The following IDO2 variants were observed in gnomAD, a reference collection of about 807,000 sequenced individuals.
IDO2 encodes indoleamine 2,3-dioxygenase-like 1 protein.
In IDO2, 46 loss-of-function variants were observed where a neutral mutation model predicts 45.1. That is an observed-to-expected ratio of 1.02 (90% confidence interval 0.80 to 1.30). The LOEUF is 1.30. Ranked by LOEUF, IDO2 falls within the 50% of genes most tolerant of loss-of-function variation. IDO2 has a pLI of 0.00. For synonymous variants in IDO2, 218 were observed against 184.9 expected (o/e 1.18, Z -1.45); for missense variants, 544 against 491.8 (o/e 1.11, Z -1.00).
chr8:39,991,665 G>A (rs1801932224), intron 8 of IDO2, among the ~76,000 whole-genome samples: 1 of 151,368 alleles, frequency 6.6e-6, no homozygotes, highest in Admixed American at 6.6e-5. Context: ...CTGCCTCCCG[G>A]GTTCAAGCGA....
At chr8:39,970,636 C>T (rs1808163220) in intron 3 of IDO2, among the ~76,000 whole-genome samples, 1 of 152,138 alleles carries the variant, frequency 6.6e-6, no homozygotes, top group African/African-American at 2.4e-5. Context: ...AGGTGATCCA[C>T]CCGCCTTGGC....
At chr8:39,984,510 A>C (rs2129594573) in intron 5 of IDO2, among the ~76,000 whole-genome samples, 1 of 152,274 alleles carries the variant, frequency 6.6e-6, no homozygotes, top group African/African-American at 2.4e-5. Flanking sequence ...AATAACAAAA[A>C]AGCTATTAAT....
intron 8 of IDO2, chr8:39,998,624 C>CT (rs1430211331): frequency 1.5e-5 from 2 of 132,004 alleles, no homozygotes; most frequent in Non-Finnish European, 3.2e-5. Context: ...CATGTTAATG[C>CT]TTTTTTTCTT....
intron 4 of IDO2, among the ~76,000 whole-genome samples, chr8:39,981,442 G>A (rs1808350687): frequency 1.3e-5 from 2 of 152,068 alleles, no homozygotes; most frequent in South Asian, 4.1e-4. Context: ...CATCCCCTCT[G>A]CAAACCATTA....
At chr8:39,946,812 C>G (rs1389957724) in intron 1 of IDO2, among the ~76,000 whole-genome samples, 2 of 151,770 alleles carry the variant, frequency 1.3e-5, no homozygotes, top group Non-Finnish European at 2.9e-5. Context: ...GTAGTACCCA[C>G]TTCATAAGTG....
chr8:39,948,108 C>T (rs771023180), intron 1 of IDO2, among the ~76,000 whole-genome samples: 62 of 152,202 alleles, frequency 4.1e-4, no homozygotes, highest in Non-Finnish European at 6.3e-4. Flanking sequence ...TATTTCTTTA[C>T]GGCACGGAAG....
chr8:39,949,059 A>G lies in IDO2; in HGVS notation c.-17-90A>G, dbSNP rs527430257. The G allele has an allele frequency of 5.9e-6, 9 of 1,513,300 alleles. No homozygotes were observed. The African/African-American group carries it at 1.2e-4, about 21-fold the overall frequency. 93.7% of individuals were successfully genotyped at this position (1,513,300 alleles called of 1,614,324 possible). On this transcript the variant is annotated intron_variant, in intron 1 of 10. Coordinates refer to ENST00000502986, the Ensembl canonical transcript of IDO2. ...GGAAAAGTTCTCTCCTGTGCCTGAG[A>G]CACTGCGCAACTAACTGGAACCGAA...
At chr8:39,961,668 T>A (rs1807999818) in intron 2 of IDO2, among the ~76,000 whole-genome samples, 1 of 152,148 alleles carries the variant, frequency 6.6e-6, no homozygotes, top group South Asian at 2.1e-4. Flanking sequence ...CTTTAAACTG[T>A]GTATCCAACT....
At position 40,016,277 on chromosome 8, in the gene IDO2, G is replaced by GA. The variant is rs1456360343; in HGVS notation, c.*679dup. The GA allele has an allele frequency of 1.5e-5, 6 of 398,042 alleles. 1 individual carries two copies. The highest frequency in any genetic ancestry group is 2.2e-5 in the Non-Finnish European group (5 of 225,782). 24.7% of individuals were successfully genotyped at this position (398,042 alleles called of 1,614,324 possible). ...AAGAATTATTCTCTCTTCTTACTCT[G>GA]AAAATCTGTATTTGTAAAATGAATG... On this transcript the variant is annotated 3_prime_UTR_variant, in exon 11 of 11. Transcript: ENST00000502986.
intron 9 of IDO2, among the ~76,000 whole-genome samples, chr8:40,009,290 C>G (rs961409308): frequency 4.6e-5 from 7 of 152,204 alleles, no homozygotes; most frequent in African/African-American, 1.7e-4. Context: ...GCTGGGATTA[C>G]AGGCATGAGC....
At chr8:40,015,830 A>G (rs1802379872) in exon 11 of IDO2, 1 of 493,264 alleles carries the variant, frequency 2.0e-6, no homozygotes, top group East Asian at 3.1e-5. Context: ...AACGGCATGT[A>G]TAATGGATAC....
At chr8:39,943,603 G>A (rs1318173472) in intron 1 of IDO2, among the ~76,000 whole-genome samples, 1 of 151,828 alleles carries the variant, frequency 6.6e-6, no homozygotes, top group Admixed American at 6.6e-5. Context: ...CGGGCGAGGT[G>A]GCTGGTGCCT....
rs532613293 is a variant in IDO2 at position 39,949,013 on chromosome 8, T to A, written c.-17-136T>A. The A allele has an allele frequency of 2.9e-5, 32 of 1,110,286 alleles. No homozygotes were observed. The African/African-American group carries it at 4.1e-4, about 14-fold the overall frequency. 68.8% of individuals were successfully genotyped at this position (1,110,286 alleles called of 1,614,324 possible). A position where few individuals can be genotyped will look rare whatever the true frequency, so the allele number is the denominator to read the frequency against. On this transcript the variant is annotated intron_variant, in intron 1 of 10. Transcript: ENST00000502986. ...GCCCTGTCTCAGAGAAAGTCCATGA[T>A]GATCTGGAATTCAACCTCAGGGAAA...
At chr8:40,002,007 A>G (rs1028774549) in intron 8 of IDO2, among the ~76,000 whole-genome samples, 2 of 151,966 alleles carry the variant, frequency 1.3e-5, no homozygotes, top group Admixed American at 6.6e-5. Context: ...GCTGGTCTCA[A>G]ACTCCTGACT....
chr8:39,989,629 C>T (rs2955876), intron 7 of IDO2, 92 bp from the exon 8 acceptor site: 51,789 of 868,226 alleles, frequency 0.06, 1,774 homozygotes, highest in Middle Eastern at 0.11. Context: ...ACTGTCCGGT[C>T]CTCCCCTGGG....
chr8:39,956,304 C>T (rs1030569956), intron 2 of IDO2, among the ~76,000 whole-genome samples: 3 of 152,090 alleles, frequency 2.0e-5, no homozygotes, highest in African/African-American at 7.2e-5. Context: ...TCAAGTGATC[C>T]ATCTGGCTTG....
At chr8:40,005,698 C>T (rs1391846595) in intron 9 of IDO2, among the ~76,000 whole-genome samples, 3 of 152,124 alleles carry the variant, frequency 2.0e-5, no homozygotes, top group Admixed American at 2.0e-4. Context: ...TCTACTTTTT[C>T]TTCTTGTTAT....
chr8:39,995,271 T>TTCC (rs1247309083), intron 8 of IDO2: 7 of 119,250 alleles, frequency 5.9e-5, no homozygotes, highest in African/African-American at 1.7e-4. Context: ...CTTCCTCTTC[T>TTCC]TCTTCTTCTT....
chr8:39,946,589 A>C (rs970892390), intron 1 of IDO2, among the ~76,000 whole-genome samples: 5 of 152,162 alleles, frequency 3.3e-5, no homozygotes, highest in Admixed American at 3.3e-4. Context: ...CCTGGGCAAC[A>C]GAGTGAGAGA....
Sources: gnomAD v4.1 joint callset for allele counts (sites outside exome capture counted in the v4.1 genomes callset) on GRCh38, gnomAD v4.1.1 for gene constraint, MANE v1.5 for transcripts, NCBI Gene and HGNC (gene_info 2026-07-23, HGNC 2026-07-21) for gene names.